The following CAMKMT variants were observed in gnomAD, a reference collection of about 807,000 sequenced individuals.
The protein encoded by CAMKMT is CaM KMT.
In CAMKMT, 53 loss-of-function variants were observed where a neutral mutation model predicts 48.0. The observed-to-expected ratio is 1.10, with a 90% CI of 0.89 to 1.39. The LOEUF (loss-of-function observed/expected upper bound fraction) is 1.39. Ranked by LOEUF, CAMKMT falls within the 40% of genes most tolerant of loss-of-function variation. The pLI is 0.00. For missense variants in CAMKMT, 428 were observed against 402.7 expected, an observed-to-expected ratio of 1.06 and a Z score of -0.54; for synonymous variants, 165 against 152.3, an observed-to-expected ratio of 1.08 and a Z score of -0.61.
At chr2:44,498,142 T>C (rs1175121305) in intron 3 of CAMKMT, among the ~76,000 whole-genome samples, 2 of 152,168 alleles carry the variant, frequency 1.3e-5, no homozygotes, top group Non-Finnish European at 2.9e-5. Flanking sequence ...GAGAGATCCA[T>C]CATAGCACCT....
At chr2:44,431,095 A>G (rs1684621477) in intron 3 of CAMKMT, among the ~76,000 whole-genome samples, 1 of 152,208 alleles carries the variant, frequency 6.6e-6, no homozygotes. Flanking sequence ...TGAGAATAAT[A>G]TTGATTTAAA....
At chr2:44,637,135 G>C (rs1394626292) in intron 3 of CAMKMT, among the ~76,000 whole-genome samples, 1 of 152,224 alleles carries the variant, frequency 6.6e-6, no homozygotes, top group Non-Finnish European at 1.5e-5. Flanking sequence ...AGAGGCACCT[G>C]TAGAATAGTT....
At chr2:44,378,983 T>A (rs1267276666) in intron 2 of CAMKMT, among the ~76,000 whole-genome samples, 1 of 152,214 alleles carries the variant, frequency 6.6e-6, no homozygotes, top group Non-Finnish European at 1.5e-5. Context: ...TTAAGTATAT[T>A]TACAATGTTG....
chr2:44,425,778 T>C (rs1274822247), intron 3 of CAMKMT, among the ~76,000 whole-genome samples: 1 of 152,000 alleles, frequency 6.6e-6, no homozygotes, highest in Non-Finnish European at 1.5e-5. Flanking sequence ...TTGCCCAGGC[T>C]GGAGTGCAAT....
At chr2:44,560,793 A>C (rs557925736) in intron 3 of CAMKMT, among the ~76,000 whole-genome samples, 1 of 152,242 alleles carries the variant, frequency 6.6e-6, no homozygotes, top group African/African-American at 2.4e-5. Flanking sequence ...GGATGTCTCA[A>C]AGTTACTAAT....
At chr2:44,517,526 G>A (rs1194148417) in intron 3 of CAMKMT, among the ~76,000 whole-genome samples, 1 of 152,158 alleles carries the variant, frequency 6.6e-6, no homozygotes, top group Non-Finnish European at 1.5e-5. Flanking sequence ...TAATACCTCT[G>A]TCACTATCTC....
At chr2:44,730,431 G>A (rs1459534726) in intron 7 of CAMKMT, among the ~76,000 whole-genome samples, 1 of 152,154 alleles carries the variant, frequency 6.6e-6, no homozygotes, top group African/African-American at 2.4e-5. Flanking sequence ...ATGACTGTAT[G>A]TTCCTTTTGA....
At chr2:44,454,590 C>G (rs1219220105) in intron 3 of CAMKMT, among the ~76,000 whole-genome samples, 2 of 152,144 alleles carry the variant, frequency 1.3e-5, no homozygotes, top group Non-Finnish European at 2.9e-5. Flanking sequence ...TGCTTAGTAA[C>G]TATGCCTTGA....
intron 3 of CAMKMT, among the ~76,000 whole-genome samples, chr2:44,517,615 CAG>C (rs1321480485): frequency 6.6e-6 from 1 of 152,132 alleles, no homozygotes; most frequent in African/African-American, 2.4e-5. Context: ...TCCAAGTAAT[CAG>C]AAAGTATTGA....
chr2:44,660,635 G>C (rs1674630105), intron 3 of CAMKMT, among the ~76,000 whole-genome samples: 1 of 152,084 alleles, frequency 6.6e-6, no homozygotes, highest in Non-Finnish European at 1.5e-5. Context: ...TGTTTGTTTT[G>C]AGACAGGGTC....
chr2:44,511,172 A>G (rs149201708), intron 3 of CAMKMT, among the ~76,000 whole-genome samples: 99 of 151,984 alleles, frequency 6.5e-4, no homozygotes, highest in Non-Finnish European at 1.3e-3. Flanking sequence ...TTTCATCCCC[A>G]TAGCTTAGCT....
At chr2:44,585,050 G>A (rs1283971343) in intron 3 of CAMKMT, among the ~76,000 whole-genome samples, 4 of 150,108 alleles carry the variant, frequency 2.7e-5, no homozygotes, top group South Asian at 2.1e-4. Flanking sequence ...GCGAGACTCC[G>A]TCTGAAAAAA....
At chr2:44,594,676 G>T (rs1478099684) in intron 3 of CAMKMT, among the ~76,000 whole-genome samples, 1 of 152,142 alleles carries the variant, frequency 6.6e-6, no homozygotes, top group Non-Finnish European at 1.5e-5. Context: ...ATGGATTAAA[G>T]ACTTAAATGT....
At chr2:44,596,794 A>G (rs930635803) in intron 3 of CAMKMT, among the ~76,000 whole-genome samples, 2 of 152,154 alleles carry the variant, frequency 1.3e-5, no homozygotes, top group African/African-American at 4.8e-5. Context: ...AAACTCTGTC[A>G]GGAGACTACT....
chr2:44,764,427 C>A (rs1229723225), intron 9 of CAMKMT, among the ~76,000 whole-genome samples: 1 of 152,096 alleles, frequency 6.6e-6, no homozygotes, highest in Non-Finnish European at 1.5e-5. Context: ...TTGATCCTCA[C>A]AATTTGTCGG....
intron 3 of CAMKMT, among the ~76,000 whole-genome samples, chr2:44,652,712 C>G (rs929370615): frequency 6.6e-6 from 1 of 152,146 alleles, no homozygotes; most frequent in Admixed American, 6.5e-5. Context: ...AGAGAAAAGG[C>G]GGGGTCTAGT....
chr2:44,642,485 C>T (rs1191085998), intron 3 of CAMKMT, among the ~76,000 whole-genome samples: 1 of 152,184 alleles, frequency 6.6e-6, no homozygotes, highest in Admixed American at 6.5e-5. Flanking sequence ...CTTTCATACA[C>T]ATTTATTGTA....
intron 6 of CAMKMT, among the ~76,000 whole-genome samples, chr2:44,708,757 TCAGGGAATA>T (rs1302121465): frequency 6.6e-6 from 1 of 152,096 alleles, no homozygotes; most frequent in Non-Finnish European, 1.5e-5. Flanking sequence ...CCTCCTTATG[TCAGGGAATA>T]CAGAGCAAGA....
chr2:44,731,915 T>C (rs768062778), intron 7 of CAMKMT, among the ~76,000 whole-genome samples: 5 of 152,206 alleles, frequency 3.3e-5, no homozygotes, highest in Non-Finnish European at 5.9e-5. Flanking sequence ...CCTGTTAAAC[T>C]TCATAGGTTT....
Sources: allele counts gnomAD v4.1 joint callset (sites outside exome capture counted in the v4.1 genomes callset), GRCh38; gene constraint gnomAD v4.1.1; transcripts MANE v1.5; gene names NCBI Gene and HGNC (gene_info 2026-07-23, HGNC 2026-07-21).